RPGRIP1: variants seen among roughly 807,000 people sequenced by gnomAD.
The protein encoded by RPGRIP1 is X-linked retinitis pigmentosa GTPase regulator-interacting protein 1.
Under a neutral mutation model 157.9 loss-of-function variants are expected in RPGRIP1, and 128 were observed. That is an observed-to-expected ratio of 0.81 (90% CI 0.70 to 0.94). The LOEUF (loss-of-function observed/expected upper bound fraction) is 0.94, where lower values mean the gene tolerates loss of function less well. Among genes scored for constraint, RPGRIP1 ranks in the 40% least tolerant of loss-of-function variants. The pLI is 0.00. For missense variants in RPGRIP1, 1,486 were observed against 1,545.8 expected, an observed-to-expected ratio of 0.96 and a Z score of 0.65; for synonymous variants, 554 against 571.6, an observed-to-expected ratio of 0.97 and a Z score of 0.44.
Position 21,348,168 on chromosome 14 carries a change from T to G in RPGRIP1, c.3618-4T>G, listed in dbSNP as rs756002859. 2 of 1,564,814 alleles carry G rather than the reference T, an allele frequency of 1.3e-6. No homozygotes were observed. Among genetic ancestry groups the G allele is most frequent in the Admixed American group, 4.0e-5 (2 of 49,608 alleles). The stretch of plus-strand genomic sequence containing the variant: ...GTGCTGAATTAAATGCAATTTCTTT[T>G]TAGTTTAAAGTTTACAGTGGTAAGT... On this transcript the variant is annotated splice_region_variant and splice_polypyrimidine_tract_variant and intron_variant, in intron 23 of 24. Coordinates refer to ENST00000400017, the MANE Select transcript of RPGRIP1 (RefSeq NM_020366.4).
chr14:21,318,601 G>A (rs1316581282), intron 11 of RPGRIP1, among the ~76,000 whole-genome samples: 2 of 151,746 alleles, frequency 1.3e-5, no homozygotes, highest in Non-Finnish European at 2.9e-5. Flanking sequence ...TCAGCCTCCC[G>A]AGTTGCTGGG....
At chr14:21,350,215 A>C (rs575547594) in intron 24 of RPGRIP1, among the ~76,000 whole-genome samples, 28 of 152,154 alleles carry the variant, frequency 1.8e-4, no homozygotes, top group Middle Eastern at 3.4e-3. Flanking sequence ...ATCTCTACTA[A>C]AAATACAAAA....
At chr14:21,301,374 C>T (rs1881021417) in intron 4 of RPGRIP1, 137 bp downstream of exon 4, 2 of 949,002 alleles carry the variant, frequency 2.1e-6, no homozygotes, top group South Asian at 3.4e-5. Context: ...TTTCTGCCTC[C>T]CTAAAATCTT....
chr14:21,285,128 A>C (rs1361655340), intron 1 of RPGRIP1, among the ~76,000 whole-genome samples: 1 of 151,966 alleles, frequency 6.6e-6, no homozygotes, highest in African/African-American at 2.4e-5. Flanking sequence ...AGTATAAATA[A>C]ATGAAGGTAG....
At chr14:21,280,762 G>A (rs530705378) in intron 1 of RPGRIP1, among the ~76,000 whole-genome samples, 2 of 151,164 alleles carry the variant, frequency 1.3e-5, no homozygotes, top group Non-Finnish European at 2.9e-5. Context: ...CTGAACTATA[G>A]CAATATCCTC....
At chr14:21,297,073 G>A (rs1231936848) in intron 3 of RPGRIP1, among the ~76,000 whole-genome samples, 2 of 151,998 alleles carry the variant, frequency 1.3e-5, no homozygotes, top group Non-Finnish European at 2.9e-5. Flanking sequence ...TAACAGAGGT[G>A]GAATCTCTTT....
At chr14:21,351,050 C>A (rs1272180223) in intron 24 of RPGRIP1, 54 bp from the exon 25 acceptor site, 11 of 971,800 alleles carry the variant, frequency 1.1e-5, no homozygotes, top group Admixed American at 4.6e-5. Flanking sequence ...CTGACAAATA[C>A]CAAGTATCAA....
intron 21 of RPGRIP1, among the ~76,000 whole-genome samples, chr14:21,337,904 C>A (rs967648804): frequency 1.3e-5 from 2 of 151,676 alleles, no homozygotes; most frequent in Non-Finnish European, 2.9e-5. Context: ...TACAGACACA[C>A]GCTGTCACGT....
chr14:21,284,608 G>A (rs978567783), intron 1 of RPGRIP1, among the ~76,000 whole-genome samples: 5 of 142,244 alleles, frequency 3.5e-5, no homozygotes, highest in South Asian at 4.4e-4. Context: ...ACAGTGGCAC[G>A]ATCTCTGCTC....
At chr14:21,340,694 A>C (rs917750633) in intron 21 of RPGRIP1, among the ~76,000 whole-genome samples, 1 of 152,196 alleles carries the variant, frequency 6.6e-6, no homozygotes, top group Admixed American at 6.6e-5. Flanking sequence ...CACTCTAGAC[A>C]GTCTGATATA....
intron 1 of RPGRIP1, among the ~76,000 whole-genome samples, chr14:21,281,554 C>T (rs897980500): frequency 2.0e-5 from 3 of 151,342 alleles, no homozygotes; most frequent in Non-Finnish European, 4.4e-5. Flanking sequence ...CTGGGCGTGG[C>T]GGCTTGCGCC....
chr14:21,301,722 T>TAATAATAAA (rs1443437374), intron 4 of RPGRIP1, among the ~76,000 whole-genome samples: 72 of 75,118 alleles, frequency 9.6e-4, no homozygotes, highest in Non-Finnish European at 1.3e-3. Flanking sequence ...ATAATAATAA[T>TAATAATAAA]AAAAAATTAG....
At chr14:21,293,328 A>C (rs182665717) in intron 2 of RPGRIP1, among the ~76,000 whole-genome samples, 195 of 152,302 alleles carry the variant, frequency 1.3e-3, no homozygotes, top group African/African-American at 4.4e-3. Context: ...CTGACCAAAA[A>C]AACAAACGAG....
At chr14:21,281,861 G>A (rs1235788033) in intron 1 of RPGRIP1, among the ~76,000 whole-genome samples, 3 of 151,816 alleles carry the variant, frequency 2.0e-5, no homozygotes, top group Non-Finnish European at 4.4e-5. Context: ...TTGGGAGACC[G>A]AGGCTGGCGG....
chr14:21,322,286 TA>T (rs1882587469), intron 14 of RPGRIP1, among the ~76,000 whole-genome samples: 1 of 152,106 alleles, frequency 6.6e-6, no homozygotes, highest in Non-Finnish European at 1.5e-5. Context: ...GCCTCCCAAG[TA>T]GCTGGGATGA....
chr14:21,288,178 C>T, intron 2 of RPGRIP1, 117 bp downstream of exon 2: 1 of 599,780 alleles, frequency 1.7e-6, no homozygotes, highest in South Asian at 2.0e-5. Flanking sequence ...TCAGTCTTCT[C>T]ACTTTTTTTT....
intron 1 of RPGRIP1, among the ~76,000 whole-genome samples, chr14:21,287,566 T>A (rs1370981217): frequency 6.6e-6 from 1 of 152,126 alleles, no homozygotes; most frequent in Admixed American, 6.6e-5. Context: ...GGGGACTGGA[T>A]TGTAGGCTAT....
intron 21 of RPGRIP1, among the ~76,000 whole-genome samples, chr14:21,341,783 C>T (rs932341343): frequency 1.3e-5 from 2 of 152,010 alleles, no homozygotes; most frequent in African/African-American, 4.8e-5. Flanking sequence ...TGGCCAGGCG[C>T]GGCGGCTCAC....
chr14:21,315,030 A>T (rs1004097258), intron 10 of RPGRIP1, among the ~76,000 whole-genome samples: 2 of 151,048 alleles, frequency 1.3e-5, no homozygotes, highest in African/African-American at 4.9e-5. Flanking sequence ...TCTCAAAAAA[A>T]AAATTTGGCT....
Sources: gnomAD v4.1 joint callset for allele counts (sites outside exome capture counted in the v4.1 genomes callset) on GRCh38, gnomAD v4.1.1 for gene constraint, MANE v1.5 for transcripts, NCBI Gene and HGNC (gene_info 2026-07-23, HGNC 2026-07-21) for gene names.